Variants in LRBA observed in about 807,000 individuals in gnomAD.
LRBA encodes LPS responsive beige-like anchor protein, also known as lipopolysaccharide-responsive and beige-like anchor protein.
A neutral mutation model predicts 330.0 loss-of-function variants in LRBA; 176 were observed. That is an observed-to-expected ratio of 0.53 (90% CI 0.47 to 0.60). LRBA has a LOEUF of 0.60. Among genes scored for constraint, LRBA ranks in the 20% least tolerant of loss-of-function variants. LRBA has a pLI of 0.00. For missense variants in LRBA, 3,259 were observed against 3,444.8 expected (o/e 0.95, Z 1.35); for synonymous variants, 1,230 against 1,193.0 (o/e 1.03, Z -0.64).
chr4:150,831,570 A>T (rs1234769618), intron 29 of LRBA, among the ~76,000 whole-genome samples: 2 of 152,198 alleles, frequency 1.3e-5, no homozygotes, highest in Admixed American at 1.3e-4. Flanking sequence ...AAAATTTTTC[A>T]ACTCTTTTTG....
chr4:150,763,476 G>C (rs1735370061), intron 34 of LRBA, among the ~76,000 whole-genome samples: 1 of 151,646 alleles, frequency 6.6e-6, no homozygotes, highest in South Asian at 2.1e-4. Flanking sequence ...TTTCCAGCGA[G>C]GTAAAACAAA....
chr4:150,367,410 A>G (rs1442770376), intron 47 of LRBA, among the ~76,000 whole-genome samples: 1 of 152,202 alleles, frequency 6.6e-6, no homozygotes, highest in Non-Finnish European at 1.5e-5. Context: ...TTATTTTATA[A>G]AAAGAGGAAT....
intron 2 of LRBA, among the ~76,000 whole-genome samples, chr4:150,930,657 T>C (rs1734393911): frequency 6.6e-6 from 1 of 152,076 alleles, no homozygotes; most frequent in Non-Finnish European, 1.5e-5. Flanking sequence ...CTGACAAAAA[T>C]ATACACAGGC....
chr4:150,463,026 T>C (rs1026006612), intron 44 of LRBA, among the ~76,000 whole-genome samples: 2 of 151,998 alleles, frequency 1.3e-5, no homozygotes, highest in Non-Finnish European at 2.9e-5. Flanking sequence ...GAGGTACTTT[T>C]ACTAAGTAAA....
chr4:150,357,709 T>C (rs1014226100), intron 47 of LRBA, among the ~76,000 whole-genome samples: 7 of 151,670 alleles, frequency 4.6e-5, no homozygotes, highest in Admixed American at 4.6e-4. Context: ...GGAAAAATTA[T>C]ACCTATTTCT....
At chr4:150,473,518 A>G (rs1257027295) in intron 42 of LRBA, among the ~76,000 whole-genome samples, 1 of 152,156 alleles carries the variant, frequency 6.6e-6, no homozygotes, top group African/African-American at 2.4e-5. Context: ...CATCCAGTCA[A>G]TTGAGGACTG....
chr4:150,568,842 T>A (rs1235652433), intron 40 of LRBA, among the ~76,000 whole-genome samples: 1 of 152,090 alleles, frequency 6.6e-6, no homozygotes, highest in Non-Finnish European at 1.5e-5. Context: ...TACAATTTTG[T>A]CAGATGCCAG....
chr4:151,015,498 A>G (rs2149683735), upstream of LRBA: 1 of 153,046 alleles, frequency 6.5e-6, no homozygotes, highest in East Asian at 1.9e-4. Context: ...AAGTTTCCCT[A>G]GTCCGCTCCC....
intron 40 of LRBA, among the ~76,000 whole-genome samples, chr4:150,530,766 T>C (rs964795770): frequency 2.6e-5 from 4 of 152,208 alleles, no homozygotes; most frequent in African/African-American, 9.7e-5. Context: ...CTAAACAAGA[T>C]TCCTTTCTTG....
intron 44 of LRBA, among the ~76,000 whole-genome samples, chr4:150,459,663 C>T (rs1263990752): frequency 6.6e-6 from 1 of 151,902 alleles, no homozygotes; most frequent in Non-Finnish European, 1.5e-5. Flanking sequence ...CCTACAAATA[C>T]GTTGGGAACT....
chr4:150,634,100 A>T (rs896324648), intron 37 of LRBA, among the ~76,000 whole-genome samples: 4 of 152,108 alleles, frequency 2.6e-5, no homozygotes, highest in Non-Finnish European at 5.9e-5. Flanking sequence ...GGGTGACAAG[A>T]GCAAAACTCC....
At chr4:150,929,127 G>T in intron 2 of LRBA, 62 bp from the exon 3 acceptor site, 1 of 991,634 alleles carries the variant, frequency 1.0e-6, no homozygotes, top group Non-Finnish European at 1.5e-6. Flanking sequence ...ACTATAGCAT[G>T]TTCCTAAACA....
At chr4:150,435,474 C>T in intron 46 of LRBA, 115 bp downstream of exon 46, 1 of 911,012 alleles carries the variant, frequency 1.1e-6, no homozygotes, top group Admixed American at 2.6e-5. Flanking sequence ...AAGGACTTAT[C>T]TTCTGAGATT....
intron 36 of LRBA, among the ~76,000 whole-genome samples, chr4:150,699,279 T>C (rs1582084355): frequency 6.6e-6 from 1 of 152,040 alleles, no homozygotes; most frequent in East Asian, 1.9e-4. Flanking sequence ...TGTTCAAGAG[T>C]GTGGCCTATG....
chr4:150,622,514 G>A (rs561773993), intron 37 of LRBA, among the ~76,000 whole-genome samples: 1 of 152,246 alleles, frequency 6.6e-6, no homozygotes, highest in South Asian at 2.1e-4. Context: ...ACCAGCCTGA[G>A]CAACAGAGGA....
chr4:150,821,239 T>A (rs1232989202), intron 30 of LRBA, among the ~76,000 whole-genome samples: 2 of 152,130 alleles, frequency 1.3e-5, no homozygotes, highest in African/African-American at 2.4e-5. Context: ...TTTCCCAAAT[T>A]GTCAATTATA....
intron 40 of LRBA, among the ~76,000 whole-genome samples, chr4:150,504,392 C>G (rs1192342073): frequency 1.3e-5 from 2 of 152,220 alleles, no homozygotes; most frequent in African/African-American, 4.8e-5. Context: ...AAAGGCTGAT[C>G]TTTCAGCAGA....
At chr4:150,277,781 T>G in intron 56 of LRBA, 72 bp downstream of exon 56, 1 of 1,461,306 alleles carries the variant, frequency 6.8e-7, no homozygotes, top group Non-Finnish European at 9.5e-7. Context: ...GGATTACAGG[T>G]GTAAGCCAAC....
intron 37 of LRBA, among the ~76,000 whole-genome samples, chr4:150,612,563 T>G (rs941993878): frequency 1.3e-5 from 2 of 152,220 alleles, no homozygotes; most frequent in Non-Finnish European, 2.9e-5. Context: ...AGCAATTATT[T>G]ACATTCTAAA....
Sources: gnomAD v4.1 joint callset for allele counts (sites outside exome capture counted in the v4.1 genomes callset) on GRCh38, gnomAD v4.1.1 for gene constraint, MANE v1.5 for transcripts, NCBI Gene and HGNC (gene_info 2026-07-23, HGNC 2026-07-21) for gene names.